Variants in ACOXL observed in about 807,000 individuals in gnomAD.
The protein encoded by ACOXL is acyl-coenzyme A oxidase-like protein.
A neutral mutation model predicts 71.9 loss-of-function variants in ACOXL; 70 were observed. That is an observed-to-expected ratio of 0.97 (90% confidence interval 0.80 to 1.19). The LOEUF is 1.19. Among genes scored for constraint, ACOXL ranks in the 50% most tolerant of loss-of-function variants. The probability of loss-of-function intolerance (pLI) is 0.00; values close to 1 mark genes in which losing one functional copy is unlikely to be tolerated. For missense variants in ACOXL, 703 were observed against 736.3 expected (o/e 0.95, Z 0.52); for synonymous variants, 253 against 281.6 (o/e 0.90, Z 1.02).
chr2:110,881,502 C>T (rs1215669781), intron 10 of ACOXL, among the ~76,000 whole-genome samples: 2 of 151,864 alleles, frequency 1.3e-5, no homozygotes, highest in Non-Finnish European at 2.9e-5. Context: ...ATAAACTGTG[C>T]GTGTTTAAAA....
intron 15 of ACOXL, 40 bp downstream of exon 15, chr2:111,031,754 C>G (rs1376778577): frequency 1.3e-6 from 2 of 1,592,252 alleles, no homozygotes; most frequent in Non-Finnish European, 1.7e-6. Context: ...TTGAGTGACT[C>G]AGGGGTCTAC....
chr2:110,899,665 C>T (rs932387903), intron 10 of ACOXL, among the ~76,000 whole-genome samples: 1 of 152,168 alleles, frequency 6.6e-6, no homozygotes, highest in Non-Finnish European at 1.5e-5. Flanking sequence ...TCACCCCAGG[C>T]AGCCTCAGCT....
At chr2:111,116,829 T>A (rs1180891416) in intron 17 of ACOXL, among the ~76,000 whole-genome samples, 4 of 148,094 alleles carry the variant, frequency 2.7e-5, no homozygotes, top group Admixed American at 6.7e-5. Flanking sequence ...AAAAAAAAAA[T>A]ACATTGGCAC....
intron 12 of ACOXL, among the ~76,000 whole-genome samples, chr2:110,962,185 G>C (rs999950067): frequency 4.6e-5 from 7 of 152,240 alleles, no homozygotes; most frequent in African/African-American, 1.7e-4. Flanking sequence ...GGAAGTCTGT[G>C]TGAAGTCCCA....
intron 8 of ACOXL, among the ~76,000 whole-genome samples, chr2:110,802,223 C>CA (rs1324817519): frequency 3.9e-5 from 6 of 152,228 alleles, no homozygotes; most frequent in African/African-American, 7.2e-5. Flanking sequence ...CCTTCCCCCC[C>CA]CTGCCATTAC....
chr2:110,797,585 G>A (rs7592058), intron 5 of ACOXL, among the ~76,000 whole-genome samples: 23,800 of 152,128 alleles, frequency 0.16, 3,967 homozygotes, highest in African/African-American at 0.42. Context: ...TTGGCCTTCA[G>A]TTCCCTGGCT....
intron 1 of ACOXL, among the ~76,000 whole-genome samples, chr2:110,734,426 C>G (rs771109358): frequency 6.6e-6 from 1 of 152,118 alleles, no homozygotes; most frequent in South Asian, 2.1e-4. Flanking sequence ...CCCACCACCA[C>G]GCCTGGCTAA....
At chr2:110,740,433 C>T (rs1559203361) in intron 1 of ACOXL, among the ~76,000 whole-genome samples, 1 of 152,190 alleles carries the variant, frequency 6.6e-6, no homozygotes, top group Non-Finnish European at 1.5e-5. Context: ...GCTTCTGCAG[C>T]ACATGAACCA....
At chr2:110,756,485 T>G (rs1679720357) in intron 1 of ACOXL, among the ~76,000 whole-genome samples, 1 of 152,242 alleles carries the variant, frequency 6.6e-6, no homozygotes, top group South Asian at 2.1e-4. Context: ...GGGCGATGTG[T>G]GTATTATCTG....
At chr2:111,015,587 A>G (rs1427681159) in intron 14 of ACOXL, among the ~76,000 whole-genome samples, 4 of 152,352 alleles carry the variant, frequency 2.6e-5, no homozygotes, top group East Asian at 1.9e-4. Context: ...AAGTACACCT[A>G]TACTATGAGC....
chr2:110,874,123 G>T (rs1036086112), intron 10 of ACOXL, among the ~76,000 whole-genome samples: 1 of 152,214 alleles, frequency 6.6e-6, no homozygotes, highest in Non-Finnish European at 1.5e-5. Flanking sequence ...GGGAGAGAGG[G>T]CAGCAAAAGG....
intron 9 of ACOXL, among the ~76,000 whole-genome samples, chr2:110,835,296 G>A (rs953939214): frequency 7.2e-5 from 11 of 151,920 alleles, no homozygotes; most frequent in African/African-American, 1.2e-4. Context: ...AAGGGATCAA[G>A]GAATGGTAAC....
At chr2:110,907,948 A>G (rs1009071944) in intron 10 of ACOXL, among the ~76,000 whole-genome samples, 2 of 152,228 alleles carry the variant, frequency 1.3e-5, no homozygotes, top group Admixed American at 1.3e-4. Flanking sequence ...GCTTGATAAC[A>G]TAGCACAATG....
chr2:110,995,125 A>C (rs2063333815), intron 13 of ACOXL, among the ~76,000 whole-genome samples: 1 of 151,930 alleles, frequency 6.6e-6, no homozygotes, highest in Middle Eastern at 3.2e-3. Context: ...ATTATAATAA[A>C]TGCCCAGCAG....
At chr2:110,905,000 G>C (rs1251762200) in intron 10 of ACOXL, among the ~76,000 whole-genome samples, 1 of 152,078 alleles carries the variant, frequency 6.6e-6, no homozygotes, top group Non-Finnish European at 1.5e-5. Context: ...CAATTAGCTG[G>C]CCCTGGGAGC....
chr2:110,751,809 G>T (rs998733946), intron 1 of ACOXL, among the ~76,000 whole-genome samples: 1 of 152,088 alleles, frequency 6.6e-6, no homozygotes, highest in Non-Finnish European at 1.5e-5. Context: ...GTCTGTTTTA[G>T]AACTTATTAT....
intron 15 of ACOXL, among the ~76,000 whole-genome samples, chr2:111,037,758 G>A (rs1293789078): frequency 7.2e-5 from 11 of 152,108 alleles, no homozygotes; most frequent in Non-Finnish European, 1.2e-4. Context: ...ACTTTGCCCC[G>A]GGGCCAGTTA....
Position 110,798,628 on chromosome 2 carries a change from C to T in ACOXL, c.364C>T (p.Pro122Ser). The T allele has an allele frequency of 6.2e-7, 1 of 1,613,928 alleles. No individual in the cohort carries two copies. The highest frequency in any genetic ancestry group is 8.5e-7 in the Non-Finnish European group (1 of 1,179,926). ...TGTGTAGGAGTTTGTAATTGACACG[C>T]CGTGTGAAAATGCGGAGAAGATGTA... ...LSAQEFVIDT[P>S]CENAEKMYIG... The change falls in exon 6 of 18, where the codon CCG becomes TCG. Residue 122 changes from proline to serine, a missense_variant. Coordinates refer to ENST00000439055, the MANE Select transcript of ACOXL (RefSeq NM_001142807.4).
chr2:110,735,481 G>T lies in ACOXL; in HGVS notation c.-23+2707G>T, dbSNP rs558638421. Among the ~76,000 whole-genome samples, 5 of 152,324 alleles carry T rather than the reference G, an allele frequency of 3.3e-5. No homozygotes were observed. In the South Asian group the frequency reaches 1.0e-3, roughly 32 times the overall value. ...GGCCAGGCAATCCCAGGGCATAAGA[G>T]CTCAGGAAACAGTTTTCCTCCAAAA... is the stretch of plus-strand genomic sequence containing the variant. On this transcript the variant is annotated intron_variant, in intron 1 of 17. Transcript: ENST00000439055.
Sources: gnomAD v4.1 joint callset for allele counts (sites outside exome capture counted in the v4.1 genomes callset) on GRCh38, gnomAD v4.1.1 for gene constraint, MANE v1.5 for transcripts, NCBI Gene and HGNC (gene_info 2026-07-23, HGNC 2026-07-21) for gene names.